Variants in POLR2F observed in about 807,000 individuals in gnomAD.
POLR2F encodes the protein DNA-directed RNA polymerases I, II, and III subunit RPABC2.
POLR2F carries 12 observed loss-of-function variants against 22.7 expected under a neutral mutation model. That is an observed-to-expected ratio of 0.53 (90% CI 0.34 to 0.86). POLR2F has a LOEUF of 0.86. Ranked by LOEUF, POLR2F falls within the 40% of genes least tolerant of loss-of-function variation. The pLI is 0.02. For missense variants in POLR2F, 126 were observed against 171.5 expected, an observed-to-expected ratio of 0.73 and a Z score of 1.48; for synonymous variants, 57 against 66.0, an observed-to-expected ratio of 0.86 and a Z score of 0.66.
chr22:37,995,752 C>T (rs1275773202), intron 1 of POLR2F, among the ~76,000 whole-genome samples: 1 of 151,612 alleles, frequency 6.6e-6, no homozygotes, highest in Admixed American at 6.6e-5. Context: ...GCTGGTGGAT[C>T]GCTTGAGCCC....
At chr22:37,985,848 CACACAT>C (rs148550397), upstream of POLR2F, among the ~76,000 whole-genome samples, 47 of 131,620 alleles carry the variant, frequency 3.6e-4, no homozygotes, top group Non-Finnish European at 5.9e-4. Context: ...CACACACACA[CACACAT>C]GCTCACACAC....
chr22:37,957,601 G>C (rs947235910), intron 2 of POLR2F, among the ~76,000 whole-genome samples: 3 of 152,082 alleles, frequency 2.0e-5, no homozygotes, highest in African/African-American at 7.2e-5. Context: ...TCTCTGCATG[G>C]CACTTTCAGA....
At chr22:38,038,002 T>C (rs3026678) in intron 5 of POLR2F, among the ~76,000 whole-genome samples, 3,232 of 151,946 alleles carry the variant, frequency 0.021, 121 homozygotes, top group African/African-American at 0.075. Flanking sequence ...GTGTGGGAAG[T>C]ACCCTAAGCA....
intron 1 of POLR2F, among the ~76,000 whole-genome samples, chr22:37,993,860 G>T (rs994701712): frequency 3.5e-4 from 53 of 152,248 alleles, no homozygotes; most frequent in African/African-American, 1.2e-3. Flanking sequence ...ATGGTGGCGG[G>T]CGCCTGTAGT....
At chr22:38,034,740 C>T (rs755423591) in intron 5 of POLR2F, among the ~76,000 whole-genome samples, 17 of 152,172 alleles carry the variant, frequency 1.1e-4, no homozygotes, top group Non-Finnish European at 2.5e-4. Context: ...GGGGTTGTGC[C>T]TGCGCAGCTC....
intron 5 of POLR2F, among the ~76,000 whole-genome samples, chr22:38,035,163 C>T (rs945713129): frequency 6.6e-6 from 1 of 152,194 alleles, no homozygotes; most frequent in Non-Finnish European, 1.5e-5. Flanking sequence ...CTCTCTCTCT[C>T]GGTCTCACAC....
downstream of POLR2F, among the ~76,000 whole-genome samples, chr22:38,027,878 C>T (rs2145827848): frequency 6.6e-6 from 1 of 152,258 alleles, no homozygotes; most frequent in African/African-American, 2.4e-5. Flanking sequence ...TACTGCATGC[C>T]ACAGTGTGGT....
chr22:37,990,684 A>G (rs1034131630), intron 1 of POLR2F, among the ~76,000 whole-genome samples: 2 of 152,182 alleles, frequency 1.3e-5, no homozygotes, highest in African/African-American at 4.8e-5. Flanking sequence ...GGGCCTCTGG[A>G]CCCCAAGAGC....
chr22:37,973,949 G>A, downstream of POLR2F: 1 of 1,611,018 alleles, frequency 6.2e-7, no homozygotes, highest in Non-Finnish European at 8.5e-7. Flanking sequence ...CCCATAGCCG[G>A]CTGCTGAGTA....
rs561718755 is a variant in POLR2F, at chr22:38,009,704, C to T, written c.121-16165C>T. Among the ~76,000 whole-genome samples, 79 of 152,174 alleles carry T rather than the reference C, an allele frequency of 5.2e-4. 1 individual carries two copies. Among genetic ancestry groups the T allele is most frequent in the Middle Eastern group, 3.4e-3 (1 of 294 alleles). On this transcript the variant is annotated intron_variant, in intron 1 of 2. Coordinates refer to the POLR2F transcript ENST00000333418. ...ACCCCACCCTCTCCCTAGGCAACCA[C>T]GTGCAGTCACTGTAGATTAATCTGT...
chr22:38,030,419 T>G (rs1440026952), downstream of POLR2F, among the ~76,000 whole-genome samples: 1 of 152,030 alleles, frequency 6.6e-6, no homozygotes, highest in African/African-American at 2.4e-5. Context: ...CAAGGTAATA[T>G]CAACTGGCTT....
At chr22:37,953,900 C>A (rs1342997159) in intron 1 of POLR2F, 93 bp downstream of exon 1, 2 of 1,440,130 alleles carry the variant, frequency 1.4e-6, no homozygotes, top group East Asian at 2.4e-5. Flanking sequence ...CGTCTAGGGG[C>A]AATGTCTGAG....
At chr22:37,974,071 G>T, downstream of POLR2F, 1 of 1,614,012 alleles carries the variant, frequency 6.2e-7, no homozygotes, top group Non-Finnish European at 8.5e-7. This position sits in a 1 kb window ranked among gnomAD's most constrained non-coding sequence, Gnocchi z 5.4. Flanking sequence ...CAATGTCCAC[G>T]TTGCCGAAGT....
downstream of POLR2F, among the ~76,000 whole-genome samples, chr22:38,028,491 TGTGTGTGTGTGCGTGTGCGTAC>T (rs1289227635): frequency 4.0e-5 from 6 of 151,624 alleles, no homozygotes; most frequent in African/African-American, 1.4e-4. Context: ...TGTGTGTGCG[TGTGTGTGTGTGCGTGTGCGTAC>T]GTGTGTGTGC....
At chr22:38,001,786 G>A (rs1278516716) in intron 1 of POLR2F, among the ~76,000 whole-genome samples, 1 of 151,884 alleles carries the variant, frequency 6.6e-6, no homozygotes, top group African/African-American at 2.4e-5. Context: ...GCCCGCTTAG[G>A]CCTTTCCAAG....
chr22:38,023,744 C>T (rs1364140326), intron 1 of POLR2F, among the ~76,000 whole-genome samples: 1 of 152,100 alleles, frequency 6.6e-6, no homozygotes, highest in East Asian at 1.9e-4. Context: ...ACGATCTTGG[C>T]TCACTGCAAC....
intron 1 of POLR2F, among the ~76,000 whole-genome samples, chr22:38,001,774 C>G (rs961554323): frequency 1.3e-5 from 2 of 151,966 alleles, no homozygotes; most frequent in African/African-American, 4.8e-5. Context: ...CTCAAGTGAT[C>G]TGCCCGCTTA....
chr22:37,956,699 G>T, intron 1 of POLR2F, 74 bp from the exon 2 acceptor site: 1 of 1,152,416 alleles, frequency 8.7e-7, no homozygotes, highest in Non-Finnish European at 1.3e-6. Flanking sequence ...TTACAAGTGT[G>T]ATCCACCGTG....
chr22:38,002,953 C>T (rs2084787188), intron 1 of POLR2F, among the ~76,000 whole-genome samples: 1 of 152,060 alleles, frequency 6.6e-6, no homozygotes, highest in African/African-American at 2.4e-5. Flanking sequence ...TCTCGATCTC[C>T]TGACCTCGTG....
Sources: gnomAD v4.1 joint callset for allele counts (sites outside exome capture counted in the v4.1 genomes callset) on GRCh38, gnomAD v4.1.1 for gene constraint, Gnocchi (gnomAD v3.1) non-coding constraint, MANE v1.5 for transcripts, NCBI Gene and HGNC (gene_info 2026-07-23, HGNC 2026-07-21) for gene names.